Variants in SH3GL3 observed in about 807,000 individuals in gnomAD.
SH3GL3 encodes SH3 domain containing GRB2 like 3, endophilin A3.
SH3GL3 carries 33 observed loss-of-function variants against 47.7 expected under a neutral mutation model. The ratio of observed to expected loss-of-function variants is 0.69; its 90% CI spans 0.52 to 0.92. SH3GL3 has a LOEUF of 0.92. Among genes scored for constraint, SH3GL3 ranks in the 40% least tolerant of loss-of-function variants. The pLI is 0.00. For missense variants in SH3GL3, 363 were observed against 417.8 expected (o/e 0.87, Z 1.14); for synonymous variants, 155 against 148.8 (o/e 1.04, Z -0.30).
chr15:83,562,029 C>G (rs12901816), intron 2 of SH3GL3, among the ~76,000 whole-genome samples: 16,821 of 106,010 alleles, frequency 0.16, 1,195 homozygotes, highest in African/African-American at 0.27. Flanking sequence ...CACACACACA[C>G]AACACACACA....
At chr15:83,557,984 T>C (rs1249637653) in intron 1 of SH3GL3, among the ~76,000 whole-genome samples, 1 of 151,810 alleles carries the variant, frequency 6.6e-6, no homozygotes, top group Non-Finnish European at 1.5e-5. Context: ...TCTCCACTTA[T>C]ATTTTTCCTA....
rs75078060 is a variant in SH3GL3 at position 83,551,398 on chromosome 15, T to C, written c.46-7855T>C. Among the ~76,000 whole-genome samples, 7 of 152,288 alleles carry C rather than the reference T, an allele frequency of 4.6e-5. No homozygotes were observed. The East Asian group carries it at 1.4e-3, about 29-fold the overall frequency. ...AGTGAGCCAAGGTCAGGTGCGATAT[T>C]TGTGATGGGGAAGCTGAATAGGTGA... On this transcript the variant is annotated intron_variant, in intron 1 of 8. Transcript: ENST00000427482.
At chr15:83,456,687 C>G (rs1209158548) in intron 1 of SH3GL3, among the ~76,000 whole-genome samples, 1 of 145,246 alleles carries the variant, frequency 6.9e-6, no homozygotes, top group African/African-American at 2.6e-5. Flanking sequence ...TGCGCACACA[C>G]ACTGGCCTGC....
rs1037473085 is a variant in SH3GL3, at chr15:83,603,661, C to T, written c.839-14421C>T. Among the ~76,000 whole-genome samples, 7 of 152,282 alleles carry T rather than the reference C, an allele frequency of 4.6e-5. No individual in the cohort carries two copies. The East Asian group carries it at 5.8e-4, about 13-fold the overall frequency. On this transcript the variant is annotated intron_variant, in intron 8 of 8. Transcript: ENST00000427482. ...ACCTCTGCTCTTTCTTTTATCTTTGCTTGTAGACTGGGCAACTTTTGTCTT... is the reference window on the plus strand; with the variant it reads ...ACCTCTGCTCTTTCTTTTATCTTTGTTTGTAGACTGGGCAACTTTTGTCTT...
intron 8 of SH3GL3, among the ~76,000 whole-genome samples, chr15:83,613,655 CTATCTAT>C: frequency 2.0e-5 from 3 of 150,110 alleles, no homozygotes; most frequent in Middle Eastern, 6.8e-3. Flanking sequence ...ATCTATCTAT[CTATCTAT>C]CTATCTATCT....
At chr15:83,552,372 G>T (rs973511385) in intron 1 of SH3GL3, among the ~76,000 whole-genome samples, 1 of 152,092 alleles carries the variant, frequency 6.6e-6, no homozygotes, top group African/African-American at 2.4e-5. Flanking sequence ...AAATTTTTTG[G>T]TAATTTCTAT....
At chr15:83,456,877 T>A (rs1045886647) in intron 1 of SH3GL3, among the ~76,000 whole-genome samples, 1 of 152,272 alleles carries the variant, frequency 6.6e-6, no homozygotes, top group Admixed American at 6.5e-5. Context: ...ATATTTTTTC[T>A]CTTGACAAGA....
chr15:83,547,399 C>T (rs1212558347), intron 1 of SH3GL3, among the ~76,000 whole-genome samples: 5 of 152,218 alleles, frequency 3.3e-5, no homozygotes, highest in Admixed American at 2.6e-4. Flanking sequence ...CCCTTCCTCC[C>T]GCAAGTGCAC....
At chr15:83,457,890 A>G (rs1391574597) in intron 1 of SH3GL3, among the ~76,000 whole-genome samples, 1 of 152,236 alleles carries the variant, frequency 6.6e-6, no homozygotes, top group African/African-American at 2.4e-5. Context: ...TCTATAAAGT[A>G]AATGTAACTC....
At chr15:83,502,663 A>T (rs1451403116) in intron 1 of SH3GL3, among the ~76,000 whole-genome samples, 1 of 152,010 alleles carries the variant, frequency 6.6e-6, no homozygotes, top group South Asian at 2.1e-4. Context: ...GGCTCAAGGG[A>T]TCCTCCTCCC....
chr15:83,554,585 A>G (rs2044844648), intron 1 of SH3GL3, among the ~76,000 whole-genome samples: 1 of 151,882 alleles, frequency 6.6e-6, no homozygotes. Flanking sequence ...ACAGGGTTTC[A>G]CCATGTTGGC....
At chr15:83,590,819 G>T (rs1381686959) in intron 8 of SH3GL3, among the ~76,000 whole-genome samples, 1 of 152,014 alleles carries the variant, frequency 6.6e-6, no homozygotes, top group Non-Finnish European at 1.5e-5. Flanking sequence ...CTCAATACAG[G>T]TTCTTTCTAT....
At position 83,583,028 on chromosome 15, in the gene SH3GL3, T is replaced by G. The variant is rs542424069; in HGVS notation, c.625-3955T>G. Reference sequence around the variant, plus strand: ...GCTTCTCTGAGGAATCCAAAAAGAGTAGAGGTCTTTGATATGATAGAGCAA... The same window carrying G: ...GCTTCTCTGAGGAATCCAAAAAGAGGAGAGGTCTTTGATATGATAGAGCAA... On this transcript the variant is annotated intron_variant, in intron 6 of 8. Coordinates refer to ENST00000427482, the MANE Select transcript of SH3GL3 (RefSeq NM_003027.5). Among the ~76,000 whole-genome samples the G allele has an allele frequency of 3.3e-5, 5 of 152,150 alleles. No individual in the cohort carries two copies. The East Asian group carries it at 9.7e-4, about 29-fold the overall frequency.
chr15:83,614,328 G>T (rs1490190064), intron 8 of SH3GL3, among the ~76,000 whole-genome samples: 1 of 152,148 alleles, frequency 6.6e-6, no homozygotes, highest in Non-Finnish European at 1.5e-5. Context: ...TTAGGCAGGG[G>T]TGGGGTCTGT....
chr15:83,586,957 G>T, intron 6 of SH3GL3, 26 bp from the exon 7 acceptor site: 1 of 1,375,346 alleles, frequency 7.3e-7, no homozygotes, highest in South Asian at 1.2e-5. Flanking sequence ...GGGCCTCCAT[G>T]GAATAATTTT....
chr15:83,500,824 A>G (rs2042263560), intron 1 of SH3GL3, among the ~76,000 whole-genome samples: 1 of 152,150 alleles, frequency 6.6e-6, no homozygotes, highest in East Asian at 1.9e-4. Flanking sequence ...CCTTTATCCC[A>G]CAATCCTTGG....
At chr15:83,593,769 A>G (rs549621076) in intron 8 of SH3GL3, among the ~76,000 whole-genome samples, 2 of 152,240 alleles carry the variant, frequency 1.3e-5, no homozygotes, top group South Asian at 4.1e-4. Context: ...GGGGAGAAGC[A>G]TTCAATACTT....
At position 83,456,669 on chromosome 15, in the gene SH3GL3, G is replaced by C. The variant is rs1596004500; in HGVS notation, c.45+9091G>C. ...GCAATGCCTCGCCCTGCTTCGGCTC[G>C]CGCACGGTGCGCACACACACTGGCC... On this transcript the variant is annotated intron_variant, in intron 1 of 8. Transcript: ENST00000427482. 3.5e-5 allele frequency among the ~76,000 whole-genome samples: 5 copies of C among 141,686 alleles called. No homozygotes were observed. The Admixed American group carries it at 3.5e-4, about 10-fold the overall frequency. 93.0% of individuals were successfully genotyped at this position (141,686 alleles called of 152,430 possible).
intron 1 of SH3GL3, among the ~76,000 whole-genome samples, chr15:83,470,434 A>C (rs2040779220): frequency 6.6e-6 from 1 of 152,148 alleles, no homozygotes; most frequent in Non-Finnish European, 1.5e-5. Flanking sequence ...CACGTTGGCC[A>C]GGGGTTGGTC....
Sources: allele counts gnomAD v4.1 joint callset (sites outside exome capture counted in the v4.1 genomes callset), GRCh38; gene constraint gnomAD v4.1.1; transcripts MANE v1.5; gene names NCBI Gene and HGNC (gene_info 2026-07-23, HGNC 2026-07-21).